The following SOX5 variants were observed in gnomAD, a reference collection of about 807,000 sequenced individuals.
SOX5 encodes the protein transcription factor SOX-5.
Under a neutral mutation model 92.0 loss-of-function variants are expected in SOX5, and 9 were observed. The ratio of observed to expected loss-of-function variants is 0.10; its 90% CI spans 0.06 to 0.17. SOX5 has a LOEUF of 0.17. SOX5 is among the 10% of genes least tolerant of loss of function. The pLI is 1.00. For missense variants in SOX5, 642 were observed against 944.5 expected (o/e 0.68, Z 4.20); for synonymous variants, 344 against 336.3 (o/e 1.02, Z -0.25).
intron 4 of SOX5, among the ~76,000 whole-genome samples, chr12:24,106,654 T>C (rs1323939429): frequency 1.3e-5 from 2 of 151,628 alleles, no homozygotes; most frequent in Admixed American, 6.6e-5. Context: ...TACCTGGGTA[T>C]GGTGGTGAGT....
At chr12:23,905,551 G>C (rs950936259) in intron 1 of SOX5, among the ~76,000 whole-genome samples, 11 of 152,070 alleles carry the variant, frequency 7.2e-5, no homozygotes, top group Non-Finnish European at 1.5e-4. Context: ...CTTACTATGT[G>C]CCTAAAGCAA....
At chr12:23,858,011 G>A (rs2096712992) in intron 2 of SOX5, among the ~76,000 whole-genome samples, 1 of 152,118 alleles carries the variant, frequency 6.6e-6, no homozygotes, top group Non-Finnish European at 1.5e-5. Flanking sequence ...TGGGATTACA[G>A]GCATGAGCCA....
chr12:24,372,843 T>C (rs1190161999), intron 1 of SOX5, among the ~76,000 whole-genome samples: 1 of 150,980 alleles, frequency 6.6e-6, no homozygotes, highest in Non-Finnish European at 1.5e-5. Context: ...TGGGGATGGG[T>C]GCAGTGGCTC....
chr12:23,608,540 T>C (rs2075560606), intron 8 of SOX5, among the ~76,000 whole-genome samples: 1 of 152,198 alleles, frequency 6.6e-6, no homozygotes, highest in African/African-American at 2.4e-5. Flanking sequence ...TTTTTGTCTC[T>C]TCAACATTTT....
chr12:23,820,898 C>A (rs2955526), intron 3 of SOX5, among the ~76,000 whole-genome samples: 43,011 of 151,720 alleles, frequency 0.28, 6,211 homozygotes, highest in African/African-American at 0.35. Context: ...ATTGTCTTGG[C>A]TATATGGGCT....
chr12:23,647,033 C>A (rs1400027131), intron 7 of SOX5, among the ~76,000 whole-genome samples: 1 of 152,124 alleles, frequency 6.6e-6, no homozygotes, highest in East Asian at 1.9e-4. Context: ...TACTTTCTTT[C>A]CAGATCCATC....
rs184294775 is a variant in SOX5, at chr12:24,495,029, T to C, written c.-251+67300A>G. Among the ~76,000 whole-genome samples, 63 of 152,346 alleles carry C rather than the reference T, an allele frequency of 4.1e-4. No individual in the cohort carries two copies. In the East Asian group the frequency reaches 9.1e-3, roughly 22 times the overall value. On this transcript the variant is annotated intron_variant, in intron 1 of 4. Transcript: ENST00000446891. The stretch of plus-strand genomic sequence containing the variant: ...ATTTGGAGTACTCATTGCTAATCTA[T>C]CAACTATAACTACTTTTGTTATAAA...
chr12:24,423,243 A>T (rs1324524616), intron 1 of SOX5, among the ~76,000 whole-genome samples: 1 of 152,212 alleles, frequency 6.6e-6, no homozygotes, highest in Non-Finnish European at 1.5e-5. Flanking sequence ...TAAGGTAAAG[A>T]GCAGTTGTTG....
At chr12:24,009,803 G>A (rs866010515) in intron 4 of SOX5, among the ~76,000 whole-genome samples, 26 of 152,182 alleles carry the variant, frequency 1.7e-4, no homozygotes, top group Non-Finnish European at 2.1e-4. Context: ...ATCTGTGCTT[G>A]GTCAAAATGG....
chr12:24,448,136 C>T (rs536528059), intron 1 of SOX5, among the ~76,000 whole-genome samples: 3 of 152,210 alleles, frequency 2.0e-5, no homozygotes, highest in African/African-American at 7.2e-5. Flanking sequence ...CCAGCATGGG[C>T]TGGGTGACAG....
intron 7 of SOX5, among the ~76,000 whole-genome samples, chr12:23,655,249 A>C (rs2082165513): frequency 6.6e-6 from 1 of 152,118 alleles, no homozygotes. Context: ...ACAATGAATC[A>C]AATATGTCTC....
chr12:23,599,066 A>C lies in SOX5; in HGVS notation c.1164+5321T>G, dbSNP rs867243744. Among the ~76,000 whole-genome samples the C allele has an allele frequency of 2.0e-5, 3 of 152,244 alleles. No homozygotes were observed. The South Asian group carries it at 6.2e-4, about 31-fold the overall frequency. On this transcript the variant is annotated intron_variant, in intron 9 of 14. Transcript: ENST00000451604. ...TGTATTGATATAACGTTTACTTGAT[A>C]GCGTGAAACTATGTGATTGGTACCA...
At chr12:24,505,807 G>T (rs181166396) in intron 1 of SOX5, among the ~76,000 whole-genome samples, 1 of 150,546 alleles carries the variant, frequency 6.6e-6, no homozygotes, top group Non-Finnish European at 1.5e-5. Flanking sequence ...CCACTCCCAC[G>T]CCTGGAAGGC....
intron 4 of SOX5, among the ~76,000 whole-genome samples, chr12:24,201,669 A>G (rs1277636088): frequency 6.6e-6 from 1 of 152,142 alleles, no homozygotes; most frequent in Non-Finnish European, 1.5e-5. Context: ...CCTTTACCCT[A>G]GTCCTTTAAT....
intron 1 of SOX5, among the ~76,000 whole-genome samples, chr12:24,497,410 C>G (rs537021978): frequency 4.6e-5 from 7 of 152,150 alleles, no homozygotes; most frequent in Non-Finnish European, 7.4e-5. Context: ...TAGAGCCAGA[C>G]AGAATTTCAA....
At chr12:24,402,470 T>C (rs1445457523) in intron 1 of SOX5, among the ~76,000 whole-genome samples, 2 of 152,220 alleles carry the variant, frequency 1.3e-5, no homozygotes, top group African/African-American at 2.4e-5. Context: ...CCTGCCTCTT[T>C]TGTATCTTTT....
intron 10 of SOX5, 91 bp downstream of exon 10, chr12:23,575,570 G>T: frequency 8.2e-7 from 1 of 1,223,602 alleles, no homozygotes; most frequent in Non-Finnish European, 1.2e-6. Flanking sequence ...TTCAAGCCGT[G>T]TATAGAGTGG....
chr12:24,424,301 T>C (rs1311829480), intron 1 of SOX5, among the ~76,000 whole-genome samples: 1 of 152,190 alleles, frequency 6.6e-6, no homozygotes, highest in Non-Finnish European at 1.5e-5. Context: ...TAAGATTAGG[T>C]GACAGGAATC....
chr12:23,671,349 T>G (rs1414830274), intron 6 of SOX5, among the ~76,000 whole-genome samples: 1 of 152,202 alleles, frequency 6.6e-6, no homozygotes, highest in East Asian at 1.9e-4. Flanking sequence ...CAAATACACA[T>G]CATCCTTAGG....
Sources: gnomAD v4.1 joint callset for allele counts (sites outside exome capture counted in the v4.1 genomes callset) on GRCh38, gnomAD v4.1.1 for gene constraint, MANE v1.5 for transcripts, NCBI Gene and HGNC (gene_info 2026-07-23, HGNC 2026-07-21) for gene names.